The following RBFOX1 variants were observed in gnomAD, a reference collection of about 807,000 sequenced individuals.
The protein encoded by RBFOX1 is RNA binding protein fox-1 homolog 1.
RBFOX1 carries 8 observed loss-of-function variants against 57.7 expected under a neutral mutation model. That is an observed-to-expected ratio of 0.14 (90% CI 0.08 to 0.25). The LOEUF (loss-of-function observed/expected upper bound fraction) is 0.25. Ranked by LOEUF, RBFOX1 falls within the 10% of genes least tolerant of loss-of-function variation. RBFOX1 has a pLI of 1.00. For missense variants in RBFOX1, 611 were observed against 548.5 expected, an observed-to-expected ratio of 1.11 and a Z score of -1.14; for synonymous variants, 326 against 222.4, an observed-to-expected ratio of 1.47 and a Z score of -4.15.
At chr16:6,978,144 C>T (rs1712777832) in intron 3 of RBFOX1, among the ~76,000 whole-genome samples, 1 of 151,586 alleles carries the variant, frequency 6.6e-6, no homozygotes, top group African/African-American at 2.4e-5. Flanking sequence ...GGGCATGATG[C>T]CCTGGGCCCC....
Position 6,929,091 on chromosome 16 carries a change from G to C in RBFOX1, c.-15-122966G>C, listed in dbSNP as rs546524958. ...CATGCTTGCCCCACTCCCCAGTCTA[G>C]TGTTTAATTCACAGGCCCACATTGC... On this transcript the variant is annotated intron_variant, in intron 3 of 15. Coordinates refer to ENST00000550418, the MANE Select transcript of RBFOX1 (RefSeq NM_018723.4). 5.3e-5 allele frequency among the ~76,000 whole-genome samples: 8 copies of C among 152,272 alleles called. No homozygotes were observed. The East Asian group carries it at 7.8e-4, about 15-fold the overall frequency.
At chr16:6,655,373 CAAAAAA>C (rs71406388) in intron 3 of RBFOX1, among the ~76,000 whole-genome samples, 26 of 33,736 alleles carry the variant, frequency 7.7e-4, no homozygotes, top group Admixed American at 4.0e-3. Context: ...GCCTCCGTTT[CAAAAAA>C]AAAAAAAAAA....
chr16:7,579,356 CT>C (rs1458093125), intron 5 of RBFOX1, among the ~76,000 whole-genome samples: 1 of 152,160 alleles, frequency 6.6e-6, no homozygotes, highest in Non-Finnish European at 1.5e-5. Flanking sequence ...GAAATACACA[CT>C]GTCCTGCCTT....
chr16:5,376,426 A>G (rs1467635241), intron 1 of RBFOX1, among the ~76,000 whole-genome samples: 3 of 152,106 alleles, frequency 2.0e-5, no homozygotes, highest in African/African-American at 7.2e-5. Flanking sequence ...AGAAAGGTGT[A>G]TAGGGGAAGG....
At chr16:7,046,235 G>C (rs1462790592) in intron 3 of RBFOX1, among the ~76,000 whole-genome samples, 1 of 132,504 alleles carries the variant, frequency 7.5e-6, no homozygotes, top group East Asian at 2.7e-4. Flanking sequence ...TTTAGGTAAA[G>C]GGGTGTGTGT....
intron 4 of RBFOX1, among the ~76,000 whole-genome samples, chr16:7,196,303 T>A (rs1272982592): frequency 6.6e-6 from 1 of 152,212 alleles, no homozygotes; most frequent in Non-Finnish European, 1.5e-5. Context: ...CACTCTCCCC[T>A]TTCATCCTGA....
At chr16:7,328,996 C>T (rs961777616) in intron 4 of RBFOX1, among the ~76,000 whole-genome samples, 1 of 152,062 alleles carries the variant, frequency 6.6e-6, no homozygotes, top group Admixed American at 6.6e-5. Context: ...TATTTTGTGA[C>T]CTGTAAAAAT....
chr16:5,937,737 A>G (rs2059196170), intron 4 of RBFOX1, among the ~76,000 whole-genome samples: 2 of 149,400 alleles, frequency 1.3e-5, no homozygotes, highest in Non-Finnish European at 3.0e-5. Flanking sequence ...ATATCTCCAT[A>G]TAACTATAAA....
intron 1 of RBFOX1, among the ~76,000 whole-genome samples, chr16:5,319,084 G>A (rs1219367385): frequency 1.3e-5 from 2 of 152,140 alleles, no homozygotes; most frequent in African/African-American, 4.8e-5. Flanking sequence ...CCGAGATCAC[G>A]CCACTGCACT....
At chr16:6,226,570 T>G (rs2097420143) in intron 1 of RBFOX1, among the ~76,000 whole-genome samples, 1 of 151,994 alleles carries the variant, frequency 6.6e-6, no homozygotes, top group Non-Finnish European at 1.5e-5. Context: ...ATGAATTGGT[T>G]TTTGATATAT....
In RBFOX1 at chr16:5,361,393, G is replaced by A. The variant is rs192799741; in HGVS notation, c.220-105823G>A. Among the ~76,000 whole-genome samples the A allele has an allele frequency of 3.5e-4, 53 of 152,294 alleles. 1 individual carries two copies. The East Asian group carries it at 6.4e-3, about 18-fold the overall frequency. On this transcript the variant is annotated intron_variant, in intron 1 of 2. Coordinates refer to the RBFOX1 transcript ENST00000585867. ...TAAGAAGTGCTAAAACAGCACCGGA[G>A]ATATCACTAGAAGGATAAAGCTTTG...
intron 4 of RBFOX1, among the ~76,000 whole-genome samples, chr16:7,178,898 G>A (rs909003234): frequency 6.6e-6 from 1 of 152,076 alleles, no homozygotes; most frequent in African/African-American, 2.4e-5. Context: ...TGGTTTTACT[G>A]ATTTGGTTAA....
At chr16:6,496,261 C>T (rs993780040) in intron 2 of RBFOX1, among the ~76,000 whole-genome samples, 10 of 152,122 alleles carry the variant, frequency 6.6e-5, no homozygotes, top group African/African-American at 2.2e-4. Flanking sequence ...TGACAGTGAC[C>T]ACTCTGAAAG....
intron 1 of RBFOX1, among the ~76,000 whole-genome samples, chr16:6,291,422 G>C (rs907110392): frequency 6.6e-6 from 1 of 152,292 alleles, no homozygotes; most frequent in African/African-American, 2.4e-5. Flanking sequence ...TTCTTTTCTA[G>C]ATCTCTTCCT....
chr16:7,648,521 C>T (rs562761524), intron 11 of RBFOX1, among the ~76,000 whole-genome samples: 1 of 152,260 alleles, frequency 6.6e-6, no homozygotes, highest in East Asian at 1.9e-4. Flanking sequence ...CTGTGCCTGA[C>T]CAGGAAAATT....
rs142313465 is a variant in RBFOX1, at chr16:7,079,435, T to C, written c.27+27337T>C. On this transcript the variant is annotated intron_variant, in intron 4 of 15. Transcript: ENST00000550418. ...GTTCTGCCTGAGCAGAACCACAGTT[T>C]ACACTGTGTACCTGCATTTTGTCAT... is the stretch of plus-strand genomic sequence containing the variant. Among the ~76,000 whole-genome samples, 13 of 152,330 alleles carry C rather than the reference T, an allele frequency of 8.5e-5. No individual in the cohort carries two copies. The East Asian group carries it at 2.5e-3, about 29-fold the overall frequency.
At chr16:7,499,402 G>T (rs944878704) in intron 4 of RBFOX1, among the ~76,000 whole-genome samples, 1 of 152,128 alleles carries the variant, frequency 6.6e-6, no homozygotes, top group Admixed American at 6.6e-5. Flanking sequence ...AATTACATCT[G>T]CAGTGACCCC....
intron 3 of RBFOX1, among the ~76,000 whole-genome samples, chr16:6,796,889 A>C (rs1427220516): frequency 6.6e-6 from 1 of 152,132 alleles, no homozygotes; most frequent in Admixed American, 6.5e-5. Flanking sequence ...TTCTTTGTTA[A>C]ATGTACCTAT....
chr16:7,681,792 G>T (rs924051106), intron 14 of RBFOX1, among the ~76,000 whole-genome samples: 7 of 151,950 alleles, frequency 4.6e-5, no homozygotes, highest in African/African-American at 1.7e-4. Context: ...AAGTACACAT[G>T]CAAAGCAGAC....
Sources: gnomAD v4.1 joint callset for allele counts (sites outside exome capture counted in the v4.1 genomes callset) on GRCh38, gnomAD v4.1.1 for gene constraint, MANE v1.5 for transcripts, NCBI Gene and HGNC (gene_info 2026-07-23, HGNC 2026-07-21) for gene names.